The following CDKAL1 variants were observed in gnomAD, a reference collection of about 807,000 sequenced individuals.
The protein encoded by CDKAL1 is threonylcarbamoyladenosine tRNA methylthiotransferase.
In CDKAL1, 32 loss-of-function variants were observed where a neutral mutation model predicts 68.2. The observed-to-expected ratio is 0.47, with a 90% CI of 0.35 to 0.63. The LOEUF (loss-of-function observed/expected upper bound fraction) is 0.63. Among genes scored for constraint, CDKAL1 ranks in the 30% least tolerant of loss-of-function variants. CDKAL1 has a pLI of 0.00. For synonymous variants in CDKAL1, 234 were observed against 244.3 expected (o/e 0.96, Z 0.39); for missense variants, 606 against 696.7 (o/e 0.87, Z 1.47).
chr6:20,748,274 A>G (rs1053306560), intron 6 of CDKAL1, among the ~76,000 whole-genome samples: 12 of 152,138 alleles, frequency 7.9e-5, no homozygotes, highest in Admixed American at 2.6e-4. Flanking sequence ...GGATCTCTTG[A>G]GGCCGAGAAT....
In CDKAL1 at chr6:20,702,202, T is replaced by C. The variant is rs563188850; in HGVS notation, c.372-37317T>C. ...GCTCACTTCTTCAGTCTCCCACTGC[T>C]CGAACCTCTAGGGGAGCATACAGAC... On this transcript the variant is annotated intron_variant, in intron 5 of 15. Transcript: ENST00000274695. Among the ~76,000 whole-genome samples, 3 of 152,334 alleles carry C rather than the reference T, an allele frequency of 2.0e-5. No homozygotes were observed. The South Asian group carries it at 6.2e-4, about 32-fold the overall frequency.
At chr6:20,768,418 T>C (rs982903931) in intron 7 of CDKAL1, among the ~76,000 whole-genome samples, 5 of 152,218 alleles carry the variant, frequency 3.3e-5, no homozygotes, top group Non-Finnish European at 5.9e-5. Context: ...CAGAAGTTAA[T>C]AGAATGTGAC....
chr6:21,057,329 C>G (rs983539203), intron 11 of CDKAL1, among the ~76,000 whole-genome samples: 2 of 152,020 alleles, frequency 1.3e-5, no homozygotes, highest in Non-Finnish European at 2.9e-5. Flanking sequence ...ATAGTATTCT[C>G]TGATGGTTGG....
intron 11 of CDKAL1, among the ~76,000 whole-genome samples, chr6:21,029,028 T>C (rs575581498): frequency 6.6e-6 from 1 of 152,184 alleles, no homozygotes; most frequent in East Asian, 1.9e-4. Flanking sequence ...TCTAACTAGA[T>C]GTCATTAACC....
At chr6:20,781,811 T>C (rs1270568964) in intron 8 of CDKAL1, among the ~76,000 whole-genome samples, 1 of 152,224 alleles carries the variant, frequency 6.6e-6, no homozygotes, top group Admixed American at 6.5e-5. Flanking sequence ...TTATACTTTG[T>C]TTCATATGCA....
At chr6:20,878,024 A>G (rs1760615454) in intron 9 of CDKAL1, among the ~76,000 whole-genome samples, 2 of 152,246 alleles carry the variant, frequency 1.3e-5, no homozygotes, top group Admixed American at 1.3e-4. Context: ...GCTCAAAATT[A>G]CCACATTAGT....
intron 4 of CDKAL1, among the ~76,000 whole-genome samples, chr6:20,574,736 C>T (rs1284709645): frequency 6.6e-6 from 1 of 152,054 alleles, no homozygotes; most frequent in Non-Finnish European, 1.5e-5. Flanking sequence ...ACCATAAAAA[C>T]AGTTCTCTTT....
At chr6:20,845,927 A>G (rs1010728525) in intron 8 of CDKAL1, 148 bp from the exon 9 acceptor site, 25 of 499,434 alleles carry the variant, frequency 5.0e-5, no homozygotes, top group Non-Finnish European at 8.0e-5. Flanking sequence ...ACTCTGAGGC[A>G]TGGTAGATAC....
rs1191779384 is a variant in CDKAL1 at position 21,178,822 on chromosome 6, A to C, written c.1300-19199A>C. 2.6e-5 allele frequency among the ~76,000 whole-genome samples: 4 copies of C among 152,216 alleles called. No individual in the cohort carries two copies. In the South Asian group the frequency reaches 6.2e-4, roughly 24 times the overall value. ...TGGTTCTAAGTGAGGATCCAAGAGGACTTACCTAAGCACAGGAGGGCTTGA... is the reference window on the plus strand; with the variant it reads ...TGGTTCTAAGTGAGGATCCAAGAGGCCTTACCTAAGCACAGGAGGGCTTGA... On this transcript the variant is annotated intron_variant, in intron 13 of 15. Transcript: ENST00000274695.
In CDKAL1 at chr6:21,068,899, T is replaced by C. The variant is rs567728556; in HGVS notation, c.1236+3671T>C. Among the ~76,000 whole-genome samples, 61 of 152,302 alleles carry C rather than the reference T, an allele frequency of 4.0e-4. No individual in the cohort carries two copies. In the South Asian group the frequency reaches 0.012, roughly 30 times the overall value. ...AATTTCTATCGATAATGTTTTATAA[T>C]TCTCTGTATATGTCTTACATATCAT... On this transcript the variant is annotated intron_variant, in intron 12 of 15. Transcript: ENST00000274695.
At chr6:20,738,528 G>A (rs1581480265) in intron 5 of CDKAL1, among the ~76,000 whole-genome samples, 1 of 109,700 alleles carries the variant, frequency 9.1e-6, no homozygotes, top group South Asian at 3.0e-4. Flanking sequence ...TTGCTCTGTT[G>A]CCCAGGCTAG....
intron 8 of CDKAL1, among the ~76,000 whole-genome samples, chr6:20,796,017 G>GGA (rs1437773900): frequency 1.3e-5 from 2 of 152,146 alleles, no homozygotes; most frequent in African/African-American, 4.8e-5. Flanking sequence ...TATTTCCAAA[G>GGA]GAGTCAATGT....
At chr6:21,009,364 C>G (rs1767894730) in intron 11 of CDKAL1, among the ~76,000 whole-genome samples, 1 of 152,172 alleles carries the variant, frequency 6.6e-6, no homozygotes, top group South Asian at 2.1e-4. Context: ...ATCTCCTGGA[C>G]ATTTAATACA....
chr6:20,542,570 G>A (rs189809809), intron 2 of CDKAL1, among the ~76,000 whole-genome samples: 1 of 147,732 alleles, frequency 6.8e-6, no homozygotes, highest in East Asian at 1.9e-4. Flanking sequence ...ATATACGAGT[G>A]TATTCCCCCC....
intron 12 of CDKAL1, among the ~76,000 whole-genome samples, chr6:21,079,143 C>T (rs573357983): frequency 9.3e-4 from 141 of 152,090 alleles, no homozygotes; most frequent in African/African-American, 3.1e-3. Context: ...CCCATTGGGG[C>T]GGTGAGATAT....
In CDKAL1 at chr6:21,070,998, C is replaced by A. The variant is rs141515485; in HGVS notation, c.1236+5770C>A. On this transcript the variant is annotated intron_variant, in intron 12 of 15. Transcript: ENST00000274695. Reference sequence around the variant, plus strand: ...GAAGCACTGATCTTGCTTACTAATCCTTTCTTCATTTGTTTTTAATCTGCT... The same window carrying A: ...GAAGCACTGATCTTGCTTACTAATCATTTCTTCATTTGTTTTTAATCTGCT... Among the ~76,000 whole-genome samples, 576 of 152,240 alleles carry A rather than the reference C, an allele frequency of 3.8e-3. 4 individuals are homozygous for A. Among genetic ancestry groups the A allele is most frequent in the African/African-American group, 0.013 (556 of 41,538 alleles).
chr6:20,672,428 C>T (rs760809981), intron 5 of CDKAL1, among the ~76,000 whole-genome samples: 1 of 151,908 alleles, frequency 6.6e-6, no homozygotes, highest in Non-Finnish European at 1.5e-5. Flanking sequence ...AATCTTGACT[C>T]ACTGCAACCT....
intron 4 of CDKAL1, among the ~76,000 whole-genome samples, chr6:20,568,753 A>AAAAC (rs1554152128): frequency 0.011 from 1,368 of 127,432 alleles, 65 homozygotes; most frequent in East Asian, 0.025. Context: ...AAAAAAAACA[A>AAAAC]AAAAACAAAA....
At chr6:20,698,989 A>G (rs1385577413) in intron 5 of CDKAL1, among the ~76,000 whole-genome samples, 1 of 152,234 alleles carries the variant, frequency 6.6e-6, no homozygotes, top group Non-Finnish European at 1.5e-5. Flanking sequence ...AGAATTTACA[A>G]TGATAAGTTT....
Sources: allele counts gnomAD v4.1 joint callset (sites outside exome capture counted in the v4.1 genomes callset), GRCh38; gene constraint gnomAD v4.1.1; transcripts MANE v1.5; gene names NCBI Gene and HGNC (gene_info 2026-07-23, HGNC 2026-07-21).